SYNE2: variants seen among roughly 807,000 people sequenced by gnomAD.
The protein encoded by SYNE2 is spectrin repeat containing nuclear envelope protein 2, also known as nesprin-2.
Under a neutral mutation model 856.3 loss-of-function variants are expected in SYNE2, and 431 were observed. The ratio of observed to expected loss-of-function variants is 0.50; its 90% confidence interval spans 0.47 to 0.55. The LOEUF (loss-of-function observed/expected upper bound fraction) is 0.55. Ranked by LOEUF, SYNE2 falls within the 20% of genes least tolerant of loss-of-function variation. The probability of loss-of-function intolerance (pLI) is 0.00; values close to 1 mark genes in which losing one functional copy is unlikely to be tolerated. For synonymous variants in SYNE2, 2,923 were observed against 2,872.3 expected, an observed-to-expected ratio of 1.02 and a Z score of -0.56; for missense variants, 8,129 against 8,023.2, an observed-to-expected ratio of 1.01 and a Z score of -0.50.
intron 65 of SYNE2, among the ~76,000 whole-genome samples, chr14:64,108,608 T>A (rs2097786175): frequency 6.6e-6 from 1 of 152,186 alleles, no homozygotes; most frequent in Non-Finnish European, 1.5e-5. Flanking sequence ...TTTTTATTGT[T>A]TAATTATTGC....
At chr14:64,061,905 G>C (rs1278321481) in intron 49 of SYNE2, among the ~76,000 whole-genome samples, 1 of 152,096 alleles carries the variant, frequency 6.6e-6, no homozygotes, top group Non-Finnish European at 1.5e-5. Context: ...GCAAAAAACT[G>C]GTCCTACAAC....
At chr14:64,009,675 A>G (rs1250184897) in intron 31 of SYNE2, among the ~76,000 whole-genome samples, 3 of 152,100 alleles carry the variant, frequency 2.0e-5, no homozygotes, top group Admixed American at 6.5e-5. Flanking sequence ...GATGAAATTG[A>G]GATGCTGATT....
intron 64 of SYNE2, among the ~76,000 whole-genome samples, chr14:64,105,702 A>T (rs1365738028): frequency 6.6e-6 from 1 of 152,204 alleles, no homozygotes; most frequent in East Asian, 1.9e-4. Flanking sequence ...TAAAAGAAGG[A>T]TTGCTGAATC....
chr14:64,102,501 ATT>A lies in SYNE2; in HGVS notation c.12492+484_12492+485del, dbSNP rs1211142346. ...TAGGGAGGGAACCTGCATGGGCTGAATTTTTTTTTTTTTTTTTTTTTTTTTTA... is the reference window on the plus strand; with the variant it reads ...TAGGGAGGGAACCTGCATGGGCTGAATTTTTTTTTTTTTTTTTTTTTTTTA... On this transcript the variant is annotated intron_variant, in intron 64 of 115. Coordinates refer to ENST00000555002, the MANE Select transcript of SYNE2 (RefSeq NM_182914.3). Among the ~76,000 whole-genome samples the A allele has an allele frequency of 2.2e-3, 256 of 118,268 alleles. 1 individual carries two copies. The highest frequency in any genetic ancestry group is 7.9e-3 in the African/African-American group (228 of 28,814). 77.6% of individuals were successfully genotyped at this position (118,268 alleles called of 152,430 possible).
chr14:64,183,559 G>A (rs1011143402), intron 96 of SYNE2, among the ~76,000 whole-genome samples: 1 of 152,180 alleles, frequency 6.6e-6, no homozygotes, highest in Non-Finnish European at 1.5e-5. Context: ...GGAGGCCAAG[G>A]CAGGCGGCTG....
intron 1 of SYNE2, among the ~76,000 whole-genome samples, chr14:63,847,980 G>A (rs571334956): frequency 8.5e-5 from 13 of 152,180 alleles, no homozygotes; most frequent in African/African-American, 2.9e-4. Flanking sequence ...TCTGCCTCTG[G>A]AGTTCAAGCG....
chr14:63,803,860 T>C lies in SYNE2; in HGVS notation c.-305+41874T>C, dbSNP rs185126294. 5.3e-4 allele frequency among the ~76,000 whole-genome samples: 81 copies of C among 152,310 alleles called. 1 individual carries two copies. In the South Asian group the frequency reaches 6.4e-3, roughly 12 times the overall value. ...GTCCCTGCCAAAATCTCATGTTGAA[T>C]TGTAATCCTTTGTGTTGAGGGAGAG... On this transcript the variant is annotated intron_variant, in intron 1 of 23. Coordinates refer to the SYNE2 transcript ENST00000674003.
intron 104 of SYNE2, 51 bp from the exon 105 acceptor site, chr14:64,212,760 G>A (rs370310319): frequency 4.5e-6 from 7 of 1,561,288 alleles, no homozygotes; most frequent in Non-Finnish European, 6.2e-6. Context: ...ACAGGCAGTG[G>A]AAGCTCAGGG....
intron 1 of SYNE2, among the ~76,000 whole-genome samples, chr14:63,777,449 T>G (rs1298900458): frequency 6.6e-6 from 1 of 152,140 alleles, no homozygotes; most frequent in East Asian, 1.9e-4. Context: ...GTGGGAGGAT[T>G]GCTTGTGCTC....
chr14:64,177,435 T>G lies in SYNE2; in HGVS notation c.17508T>G (p.Pro5836=), dbSNP rs1476007512. 1 of 1,614,162 alleles carries G rather than the reference T, an allele frequency of 6.2e-7. No individual in the cohort carries two copies. Among genetic ancestry groups the G allele is most frequent in the Admixed American group, 1.7e-5 (1 of 60,018 alleles). Residue 5836 remains proline, a synonymous_variant, in exon 96 of 116, where the codon CCT becomes CCG. Transcript: ENST00000555002. Reference sequence around the variant, plus strand: ...TTTTAAAGGCACAAAGTGAAGATCCTCTTCCAGAGCTTCACGAGGACCTCC... The same window carrying G: ...TTTTAAAGGCACAAAGTGAAGATCCGCTTCCAGAGCTTCACGAGGACCTCC... The part of the protein sequence containing the change: ...LQVLKAQSED[P]LPELHEDLHN...
chr14:64,197,826 C>T (rs574648199), intron 99 of SYNE2, among the ~76,000 whole-genome samples: 27 of 152,296 alleles, frequency 1.8e-4, no homozygotes, highest in African/African-American at 6.3e-4. Flanking sequence ...GGAAGGAGAG[C>T]AGTGTTCATC....
intron 1 of SYNE2, among the ~76,000 whole-genome samples, chr14:63,861,978 A>G (rs536748007): frequency 1.2e-3 from 178 of 152,212 alleles, no homozygotes; most frequent in Non-Finnish European, 2.1e-3. Flanking sequence ...CCCAGAATGA[A>G]TATTATTAAA....
intron 93 of SYNE2, 33 bp downstream of exon 93, chr14:64,169,004 C>A: frequency 6.5e-7 from 1 of 1,540,010 alleles, no homozygotes; most frequent in Non-Finnish European, 9.0e-7. Flanking sequence ...AGGTTGTGGG[C>A]GGATGGAAGG....
chr14:64,126,797 G>A lies in SYNE2; in HGVS notation c.13907G>A (p.Arg4636His), dbSNP rs752745004. 1.4e-5 allele frequency: 23 copies of A among 1,611,126 alleles called. 1 individual carries two copies. The highest frequency in any genetic ancestry group is 1.6e-4 in the Middle Eastern group (1 of 6,084). The change falls in exon 73 of 116, where the codon CGC (arginine) becomes CAC (histidine). Residue 4636 changes from arginine (R) to histidine (H), a missense_variant. Arg to His is a conservative substitution (Grantham distance 29). Around this residue, in one of 3 missense-constraint regions of SYNE2, gnomAD observed 5,410 missense variants for 5,284.8 expected, o/e 1.02. Transcript: ENST00000555002. ...KSLKAGLDYN[R>H]SYQNEIKRLY... ...CTGAAAGCTGGCCTCGATTACAACC[G>A]CAGTTACCAGGTATGATTCCGAGCA...
At chr14:63,933,146 G>C (rs369884097) in intron 2 of SYNE2, among the ~76,000 whole-genome samples, 10 of 152,246 alleles carry the variant, frequency 6.6e-5, no homozygotes, top group East Asian at 1.9e-4. Flanking sequence ...AGGTCGCAAG[G>C]CTTCCTCATA....
intron 1 of SYNE2, among the ~76,000 whole-genome samples, chr14:63,865,723 C>CA (rs1296811614): frequency 1.1e-4 from 11 of 99,826 alleles, no homozygotes; most frequent in South Asian, 3.4e-4. Context: ...CACCCCCCCC[C>CA]CAAAAAAAAA....
At chr14:64,091,760 A>G (rs918762626) in intron 60 of SYNE2, among the ~76,000 whole-genome samples, 3 of 152,194 alleles carry the variant, frequency 2.0e-5, no homozygotes, top group Admixed American at 6.5e-5. Context: ...CACTCCCACA[A>G]GAACAGAAAG....
At chr14:63,862,518 G>A (rs1894015563) in intron 1 of SYNE2, among the ~76,000 whole-genome samples, 2 of 152,168 alleles carry the variant, frequency 1.3e-5, no homozygotes, top group Admixed American at 6.5e-5. Context: ...TTAGAGGCGT[G>A]AACCACTGTG....
In SYNE2 at chr14:64,017,707, A is replaced by C. The variant is rs1006651233; in HGVS notation, c.5000A>C (p.Gln1667Pro). 2 of 1,613,792 alleles carry C rather than the reference A, an allele frequency of 1.2e-6. No homozygotes were observed. The highest frequency in any genetic ancestry group is 4.5e-5 in the East Asian group (2 of 44,768). ...GATGAGTGGACAGAAAAGGCCCTTC[A>C]AAAAATGGAATTACATCAATTGACT... ...VIDEWTEKAL[Q>P]KMELHQLTEE... Residue 1667 changes from glutamine (Q) to proline (P), a missense_variant, in exon 34 of 116, where the codon CAA becomes CCA. By Grantham distance (76) the Gln-to-Pro change is moderately conservative (BLOSUM62 -1). Coordinates refer to ENST00000555002, the MANE Select transcript of SYNE2 (RefSeq NM_182914.3).
Sources: allele counts gnomAD v4.1 joint callset (sites outside exome capture counted in the v4.1 genomes callset), GRCh38; gene constraint gnomAD v4.1.1; regional missense constraint gnomAD v4.1.1; transcripts MANE v1.5; gene names NCBI Gene and HGNC (gene_info 2026-07-23, HGNC 2026-07-21).